TAF6L: variants seen among roughly 807,000 people sequenced by gnomAD.
TAF6L encodes the protein TATA-box binding protein associated factor 6 like.
A neutral mutation model predicts 57.3 loss-of-function variants in TAF6L; 34 were observed. The observed-to-expected ratio is 0.59, with a 90% CI of 0.45 to 0.79. The LOEUF (loss-of-function observed/expected upper bound fraction) is 0.79, where lower values mean the gene tolerates loss of function less well. TAF6L is among the 30% of genes least tolerant of loss of function. TAF6L has a pLI of 0.00. For missense variants in TAF6L, 782 were observed against 853.2 expected, an observed-to-expected ratio of 0.92 and a Z score of 1.04; for synonymous variants, 417 against 376.3, an observed-to-expected ratio of 1.11 and a Z score of -1.25.
At chr11:62,775,650 AGC>A in intron 1 of TAF6L, 119 bp from the exon 2 acceptor site, 1 of 1,101,246 alleles carries the variant, frequency 9.1e-7, no homozygotes, top group Non-Finnish European at 1.3e-6. Flanking sequence ...GGGTACTCAG[AGC>A]TCCTTGTTTA....
At chr11:62,771,903 C>A (rs1295827294) in intron 1 of TAF6L, 9 of 316,302 alleles carry the variant, frequency 2.8e-5, no homozygotes, top group Non-Finnish European at 5.7e-5. Context: ...AGCTTCACAA[C>A]GATCTATTGG....
At chr11:62,772,800 ATCTC>A in intron 1 of TAF6L, among the ~76,000 whole-genome samples, 1 of 143,614 alleles carries the variant, frequency 7.0e-6, no homozygotes, top group African/African-American at 2.7e-5. Context: ...ATCAGACATC[ATCTC>A]CAAAAAAAAA....
chr11:62,782,693 G>GA lies in TAF6L; in HGVS notation c.829dup (p.Thr277AsnfsTer67). On this transcript the variant is annotated frameshift_variant and splice_region_variant, in exon 9 of 11. Transcript: ENST00000294168. LOFTEE classifies it high-confidence loss of function. Reference sequence around the variant, plus strand: ...CCCTAACTGAATGGTGCTCCCACAGGACTCATGGGGACCTTGTAAGTGGCC... The same window carrying GA: ...CCCTAACTGAATGGTGCTCCCACAGGAACTCATGGGGACCTTGTAAGTGGCC... The GA allele has an allele frequency of 6.2e-7, 1 of 1,611,936 alleles. No individual in the cohort carries two copies. Among genetic ancestry groups the GA allele is most frequent in the Non-Finnish European group, 8.5e-7 (1 of 1,179,806 alleles).
Position 62,787,071 on chromosome 11 carries a change from G to GA in TAF6L, c.1646dup (p.Ser550GlufsTer40). ...GGACCGGCACCCGCGACGTTTTCCA[G>GA]AAGAGCCGTTTCGCCCCGCGCGGCG... On this transcript the variant is annotated frameshift_variant, in exon 11 of 11. Transcript: ENST00000294168. LOFTEE classifies it high-confidence loss of function. 6.5e-7 allele frequency: 1 copy of GA among 1,530,644 alleles called. No homozygotes were observed. Among genetic ancestry groups the GA allele is most frequent in the Non-Finnish European group, 8.7e-7 (1 of 1,145,670 alleles). The allele number at this position is 1,530,644 out of a possible 1,614,324, so 94.8% of individuals were successfully genotyped here.
At chr11:62,772,167 T>C in intron 1 of TAF6L, 3 of 456,192 alleles carry the variant, frequency 6.6e-6, no homozygotes, top group Middle Eastern at 3.3e-4. Context: ...TAATATCTTA[T>C]TATTGAGAAT....
In TAF6L at chr11:62,778,023, G is replaced by A. The variant is rs201081654; in HGVS notation, c.280G>A (p.Ala94Thr). 1.2e-5 allele frequency: 20 copies of A among 1,614,180 alleles called. No homozygotes were observed. The highest frequency in any genetic ancestry group is 2.2e-5 in the East Asian group (1 of 44,888). The change falls in exon 4 of 11, where the codon GCC becomes ACC. Residue 94 changes from alanine to threonine, a missense_variant. By Grantham distance (58) the Ala-to-Thr change is moderately conservative. Coordinates refer to ENST00000294168, the MANE Select transcript of TAF6L (RefSeq NM_006473.4). ...GSQEALPMRP[A>T]REGELYFPED... ...ACAGGAGGCACTGCCCATGCGCCCC[G>A]CCAGGGAGGGTGAACTCTACTTTCC... is the stretch of plus-strand genomic sequence containing the variant.
chr11:62,774,033 G>A (rs570565176), intron 1 of TAF6L, among the ~76,000 whole-genome samples: 1 of 152,192 alleles, frequency 6.6e-6, no homozygotes, highest in African/African-American at 2.4e-5. Context: ...GCAGAAGTAG[G>A]CAGTACATGC....
chr11:62,779,969 TATATATA>T (rs1487981815), intron 6 of TAF6L, among the ~76,000 whole-genome samples: 22 of 73,616 alleles, frequency 3.0e-4, no homozygotes, highest in African/African-American at 7.8e-4. Context: ...TATATATATA[TATATATA>T]TTTTTTTTTT....
In TAF6L at chr11:62,778,850, C is replaced by T. The variant is rs773524468; in HGVS notation, c.437-19C>T. 1.6e-5 allele frequency: 25 copies of T among 1,611,486 alleles called. No homozygotes were observed. Among genetic ancestry groups the T allele is most frequent in the African/African-American group, 9.4e-5 (7 of 74,866 alleles). ...GCCAGCTCTCCACCTGTCCCTGCTT[C>T]CTGCCTGTCCTCTGGCAGTGCCCAG... is the stretch of plus-strand genomic sequence containing the variant. On this transcript the variant is annotated intron_variant, in intron 5 of 10. Transcript: ENST00000294168.
rs117311260 is a variant in TAF6L, at chr11:62,777,593, A to G, written c.235-385A>G. Among the ~76,000 whole-genome samples, 413 of 152,314 alleles carry G rather than the reference A, an allele frequency of 2.7e-3. 2 individuals are homozygous for G. Among genetic ancestry groups the G allele is most frequent in the Middle Eastern group, 6.8e-3 (2 of 294 alleles). ...GCATTCAGGCTAAGGGAGGAGCCTG[A>G]GCAACAGTGTGGGTGTTAGGGCCTC... On this transcript the variant is annotated intron_variant, in intron 3 of 10. Coordinates refer to ENST00000294168, the MANE Select transcript of TAF6L (RefSeq NM_006473.4).
Position 62,778,966 on chromosome 11 carries a change from G to T in TAF6L, c.531+3G>T. ...GGGATGATCCGCAACTGATGAAGGT[G>T]AGCGAGTGGGCCCAAGTTGGGGCAC... On this transcript the variant is annotated splice_donor_region_variant and intron_variant, in intron 6 of 10. Coordinates refer to ENST00000294168, the MANE Select transcript of TAF6L (RefSeq NM_006473.4). The T allele has an allele frequency of 6.2e-7, 1 of 1,613,012 alleles. No individual in the cohort carries two copies. Among genetic ancestry groups the T allele is most frequent in the South Asian group, 1.1e-5 (1 of 91,044 alleles).
chr11:62,784,549 G>A (rs1249720952), intron 9 of TAF6L, among the ~76,000 whole-genome samples: 11 of 152,040 alleles, frequency 7.2e-5, no homozygotes, highest in South Asian at 2.1e-4. Context: ...CTCATGATCC[G>A]CCCGCCTTGG....
Position 62,775,773 on chromosome 11 carries a change from C to T in TAF6L, c.-11C>T, listed in dbSNP as rs1390517383. 6.2e-7 allele frequency: 1 copy of T among 1,603,078 alleles called. No homozygotes were observed. Among genetic ancestry groups the T allele is most frequent in the African/African-American group, 1.3e-5 (1 of 74,952 alleles). On this transcript the variant is annotated splice_region_variant and 5_prime_UTR_variant, in exon 2 of 11. Transcript: ENST00000294168. ...CAGTCTTCATTCTCCACTCCCAGCTCCACTGGGGCCATGTCAGAGCGAGAA... is the reference window on the plus strand; with the variant it reads ...CAGTCTTCATTCTCCACTCCCAGCTTCACTGGGGCCATGTCAGAGCGAGAA...
intron 6 of TAF6L, among the ~76,000 whole-genome samples, chr11:62,780,117 G>C (rs753473873): frequency 1.3e-4 from 20 of 150,506 alleles, no homozygotes; most frequent in Non-Finnish European, 2.1e-4. Context: ...TCAGGAGTTC[G>C]AGACCAGACT....
intron 1 of TAF6L, among the ~76,000 whole-genome samples, chr11:62,773,152 ATT>A (rs879376597): frequency 8.7e-6 from 1 of 115,178 alleles, no homozygotes. Flanking sequence ...ATAATTACAA[ATT>A]TTTTTTTTTT....
Position 62,786,361 on chromosome 11 carries a change from T to C in TAF6L, c.1062T>C (p.Asp354=). The change falls in exon 10 of 11, where the codon GAT becomes GAC. Residue 354 remains aspartate (D), a synonymous_variant. Coordinates refer to ENST00000294168, the MANE Select transcript of TAF6L (RefSeq NM_006473.4). ...YSVSNAQVKA[D]GHKVYGAILV... ...TATCTAATGCCCAGGTCAAAGCAGA[T>C]GGACACAAAGTCTATGGAGCCATTC... 1 of 1,614,162 alleles carries C rather than the reference T, an allele frequency of 6.2e-7. No individual in the cohort carries two copies. The highest frequency in any genetic ancestry group is 8.5e-7 in the Non-Finnish European group (1 of 1,180,006).
In TAF6L at chr11:62,787,195, C is replaced by T. The variant is rs766873447; in HGVS notation, c.1768C>T (p.Pro590Ser). The T allele has an allele frequency of 4.4e-6, 7 of 1,588,880 alleles. No homozygotes were observed. Among genetic ancestry groups the T allele is most frequent in the Admixed American group, 1.7e-5 (1 of 59,340 alleles). Reference protein sequence around the residue: ...TAFPAPYGPSPASRYVQKLPM... With the variant: ...TAFPAPYGPSSASRYVQKLPM... The stretch of plus-strand genomic sequence containing the variant: ...CTTCCCCGCGCCGTACGGGCCTAGC[C>T]CGGCCTCGCGCTACGTGCAGAAACT... The change falls in exon 11 of 11, where the codon CCG becomes TCG. Residue 590 changes from proline to serine, a missense_variant. Around this residue, in one of 3 missense-constraint regions of TAF6L, gnomAD observed 483 missense variants for 445.1 expected, o/e 1.09. Coordinates refer to ENST00000294168, the MANE Select transcript of TAF6L (RefSeq NM_006473.4).
rs1176354817 is a variant in TAF6L, at chr11:62,778,918, C to G, written c.486C>G (p.His162Gln). The G allele has an allele frequency of 6.2e-7, 1 of 1,614,116 alleles. No individual in the cohort carries two copies. The highest frequency in any genetic ancestry group is 8.5e-7 in the Non-Finnish European group (1 of 1,180,028). ...SLTDDLLKYY[H>Q]QVTRAVLGDD... The stretch of plus-strand genomic sequence containing the variant: ...CAGATGACCTTCTCAAGTACTATCA[C>G]CAGGTGACTCGTGCTGTGCTAGGGG... Residue 162 changes from histidine (H) to glutamine (Q), a missense_variant, in exon 6 of 11, where the codon CAC becomes CAG. By Grantham distance (24) the His-to-Gln change is conservative. Around this residue, in one of 3 missense-constraint regions of TAF6L, gnomAD observed 220 missense variants for 252.1 expected, o/e 0.87. Transcript: ENST00000294168.
chr11:62,786,219 T>C (rs372851701), intron 9 of TAF6L, 41 bp from the exon 10 acceptor site: 11 of 1,589,638 alleles, frequency 6.9e-6, no homozygotes, highest in Non-Finnish European at 9.5e-6. Context: ...AGGGAATAAG[T>C]ATCAAAGACA....
Sources: allele counts gnomAD v4.1 joint callset (sites outside exome capture counted in the v4.1 genomes callset), GRCh38; gene constraint gnomAD v4.1.1; regional missense constraint gnomAD v4.1.1; transcripts MANE v1.5; gene names NCBI Gene and HGNC (gene_info 2026-07-23, HGNC 2026-07-21).